ELP4: variants seen among roughly 807,000 people sequenced by gnomAD.
The protein encoded by ELP4 is elongator acetyltransferase complex subunit 4.
ELP4 carries 51 observed loss-of-function variants against 48.9 expected under a neutral mutation model. The ratio of observed to expected loss-of-function variants is 1.04; its 90% CI spans 0.83 to 1.32. The LOEUF is 1.32. Among genes scored for constraint, ELP4 ranks in the 40% most tolerant of loss-of-function variants. The pLI, the probability that ELP4 is intolerant of heterozygous loss-of-function variation, is 0.00. For synonymous variants in ELP4, 210 were observed against 189.2 expected, an observed-to-expected ratio of 1.11 and a Z score of -0.90; for missense variants, 519 against 514.6, an observed-to-expected ratio of 1.01 and a Z score of -0.08.
At chr11:31,744,106 A>C (rs560680464) in intron 9 of ELP4, among the ~76,000 whole-genome samples, 3 of 152,216 alleles carry the variant, frequency 2.0e-5, no homozygotes, top group African/African-American at 7.2e-5. Flanking sequence ...AGAGAATACT[A>C]TAAACACCTC....
At chr11:31,518,895 CAAAAAA>C (rs34767268) in intron 1 of ELP4, among the ~76,000 whole-genome samples, 1 of 66,964 alleles carries the variant, frequency 1.5e-5, no homozygotes, top group African/African-American at 4.6e-5. Flanking sequence ...GACTCTGTCT[CAAAAAA>C]AAAAAAAAAA....
intron 9 of ELP4, among the ~76,000 whole-genome samples, chr11:31,668,718 GTGTA>G (rs71060497): frequency 0.12 from 16,367 of 132,796 alleles, 1,042 homozygotes; most frequent in South Asian, 0.22. Flanking sequence ...GTGTGTGTGT[GTGTA>G]AGAACCCTGT....
At position 31,579,202 on chromosome 11, in the gene ELP4, C is replaced by A. The variant is rs182587645; in HGVS notation, c.382-15568C>A. Among the ~76,000 whole-genome samples, 3 of 152,160 alleles carry A rather than the reference C, an allele frequency of 2.0e-5. No individual in the cohort carries two copies. In the South Asian group the frequency reaches 6.2e-4, roughly 32 times the overall value. ...TGAAAAAATGCTCGTCATCACTGGCCATCAGAGAAATGCAAATCAAAACCA... is the reference window on the plus strand; with the variant it reads ...TGAAAAAATGCTCGTCATCACTGGCAATCAGAGAAATGCAAATCAAAACCA... On this transcript the variant is annotated intron_variant, in intron 3 of 9. Coordinates refer to ENST00000640961, the MANE Select transcript of ELP4 (RefSeq NM_019040.5).
chr11:31,557,899 A>G (rs1024177306), intron 3 of ELP4, among the ~76,000 whole-genome samples: 1 of 152,096 alleles, frequency 6.6e-6, no homozygotes, highest in Non-Finnish European at 1.5e-5. Flanking sequence ...TTCCTAGACT[A>G]TATAATGGTA....
intron 4 of ELP4, among the ~76,000 whole-genome samples, chr11:31,596,398 C>T (rs1386367724): frequency 6.6e-6 from 1 of 151,962 alleles, no homozygotes; most frequent in Non-Finnish European, 1.5e-5. Flanking sequence ...AGCAGGACTC[C>T]GTCTCAAAAA....
At chr11:31,536,336 A>C (rs573835825) in intron 2 of ELP4, among the ~76,000 whole-genome samples, 2 of 152,008 alleles carry the variant, frequency 1.3e-5, no homozygotes, top group Non-Finnish European at 2.9e-5. Flanking sequence ...GAAACTGCCA[A>C]ACTGTTTTTG....
At chr11:31,730,768 T>C (rs1947168663) in intron 9 of ELP4, among the ~76,000 whole-genome samples, 1 of 152,106 alleles carries the variant, frequency 6.6e-6, no homozygotes, top group Non-Finnish European at 1.5e-5. Flanking sequence ...GAATGGAGCA[T>C]GTGTTCAACA....
chr11:31,745,458 G>A (rs1489336658), intron 9 of ELP4, among the ~76,000 whole-genome samples: 1 of 152,180 alleles, frequency 6.6e-6, no homozygotes, highest in African/African-American at 2.4e-5. Context: ...AAAGAACAAA[G>A]CTGGAGGCAT....
intron 2 of ELP4, among the ~76,000 whole-genome samples, chr11:31,534,266 G>GGTGTGTGTGTGTGTGTGTGT (rs61054150): frequency 1.0e-4 from 15 of 148,234 alleles, no homozygotes; most frequent in African/African-American, 3.5e-4. Context: ...GAGGTGGATT[G>GGTGTGTGTGTGTGTGTGTGT]GTGTGTGTGT....
intron 4 of ELP4, among the ~76,000 whole-genome samples, chr11:31,596,232 G>A (rs182704364): frequency 2.0e-3 from 305 of 152,184 alleles, no homozygotes; most frequent in African/African-American, 7.0e-3. Flanking sequence ...GTGAAACCCC[G>A]TCTCTACTAA....
chr11:31,741,001 G>A (rs535568101), intron 9 of ELP4, among the ~76,000 whole-genome samples: 8 of 152,288 alleles, frequency 5.3e-5, no homozygotes, highest in East Asian at 3.9e-4. Context: ...CAAAGAAAGC[G>A]GTGACAGACG....
At chr11:31,737,386 T>C (rs1224805178) in intron 9 of ELP4, among the ~76,000 whole-genome samples, 7 of 151,768 alleles carry the variant, frequency 4.6e-5, no homozygotes, top group Admixed American at 1.3e-4. Flanking sequence ...AGTTAATGAG[T>C]GCAGCACACC....
At chr11:31,527,553 A>G (rs1050113891) in intron 2 of ELP4, among the ~76,000 whole-genome samples, 2 of 152,046 alleles carry the variant, frequency 1.3e-5, no homozygotes, top group Admixed American at 1.3e-4. Context: ...GACCTGAGTG[A>G]TACGCTTGTC....
intron 9 of ELP4, among the ~76,000 whole-genome samples, chr11:31,761,018 T>C (rs1947934330): frequency 6.6e-6 from 1 of 152,212 alleles, no homozygotes; most frequent in South Asian, 2.1e-4. Context: ...TTAAACTATA[T>C]GCTGTGTTCT....
intron 5 of ELP4, among the ~76,000 whole-genome samples, chr11:31,611,645 T>G (rs1483098157): frequency 6.6e-6 from 1 of 152,208 alleles, no homozygotes; most frequent in African/African-American, 2.4e-5. Context: ...GAAAGCTTTT[T>G]CCAAATCTCA....
chr11:31,555,347 A>G (rs901016177), intron 3 of ELP4, among the ~76,000 whole-genome samples: 1 of 152,220 alleles, frequency 6.6e-6, no homozygotes, highest in Non-Finnish European at 1.5e-5. Context: ...CATATTTCAC[A>G]CTGCTCTAAT....
At chr11:31,650,427 A>C in intron 9 of ELP4, 1 of 384,034 alleles carries the variant, frequency 2.6e-6, no homozygotes, top group Non-Finnish European at 4.6e-6. Context: ...CAAGTATGGC[A>C]AAGATGATTT....
At chr11:31,578,232 A>C (rs1189687854) in intron 3 of ELP4, among the ~76,000 whole-genome samples, 1 of 152,212 alleles carries the variant, frequency 6.6e-6, no homozygotes, top group Non-Finnish European at 1.5e-5. Flanking sequence ...TCCACCTTAC[A>C]AGGGATGTGA....
chr11:31,708,787 A>AAT (rs1946684118), intron 9 of ELP4, among the ~76,000 whole-genome samples: 2 of 152,098 alleles, frequency 1.3e-5, no homozygotes, highest in South Asian at 4.1e-4. Context: ...TTCTGAATCA[A>AAT]ATATATATAT....
Sources: allele counts gnomAD v4.1 joint callset (sites outside exome capture counted in the v4.1 genomes callset), GRCh38; gene constraint gnomAD v4.1.1; transcripts MANE v1.5; gene names NCBI Gene and HGNC (gene_info 2026-07-23, HGNC 2026-07-21).